The following CNTROB variants were observed in gnomAD, a reference collection of about 807,000 sequenced individuals.
CNTROB encodes centrobin.
CNTROB carries 82 observed loss-of-function variants against 115.7 expected under a neutral mutation model. The observed-to-expected ratio is 0.71, with a 90% CI of 0.59 to 0.85. The LOEUF (loss-of-function observed/expected upper bound fraction) is 0.85. CNTROB is among the 40% of genes least tolerant of loss of function. CNTROB has a pLI of 0.00. For missense variants in CNTROB, 1,014 were observed against 1,144.4 expected, an observed-to-expected ratio of 0.89 and a Z score of 1.64; for synonymous variants, 439 against 456.4, an observed-to-expected ratio of 0.96 and a Z score of 0.49.
At chr17:7,933,547 T>C (rs1598053395) in intron 1 of CNTROB, among the ~76,000 whole-genome samples, 198 bp downstream of exon 1, 1 of 152,186 alleles carries the variant, frequency 6.6e-6, no homozygotes, top group Non-Finnish European at 1.5e-5. Flanking sequence ...TTATGAAACT[T>C]CCCAGTGTTT....
Position 7,932,588 on chromosome 17 carries a change from G to A in CNTROB, c.-492G>A. On this transcript the variant is annotated 5_prime_UTR_variant, in exon 1 of 19. Transcript: ENST00000563694. ...AAGGGATGGGGGAGCGTGAGGTTCC[G>A]CCCTCTCTTGAGACTGGAACCAATT... 1 of 160,170 alleles carries A rather than the reference G, an allele frequency of 6.2e-6. No individual in the cohort carries two copies. The highest frequency in any genetic ancestry group is 1.4e-5 in the Non-Finnish European group (1 of 73,320). 9.9% of individuals were successfully genotyped at this position (160,170 alleles called of 1,614,324 possible). A position where few individuals can be genotyped will look rare whatever the true frequency, so the allele number is the denominator to read the frequency against.
At chr17:7,932,106 C>T (rs970137117), upstream of CNTROB, 2 of 512,040 alleles carry the variant, frequency 3.9e-6, no homozygotes, top group East Asian at 3.4e-5. Context: ...GAGCCGCGCA[C>T]GCGCGGCCAG....
At chr17:7,946,076 A>C in intron 13 of CNTROB, 90 bp downstream of exon 13, 1 of 1,219,336 alleles carries the variant, frequency 8.2e-7, no homozygotes, top group Non-Finnish European at 1.2e-6. Flanking sequence ...ATACTTGAGC[A>C]TTTAGTTTCC....
rs1057093922 is a variant in CNTROB, at chr17:7,948,813, T to C, written c.2513+194T>C. The C allele has an allele frequency of 6.8e-7, 1 of 1,473,924 alleles. No homozygotes were observed. The highest frequency in any genetic ancestry group is 1.4e-5 in the African/African-American group (1 of 70,294). The allele number at this position is 1,473,924 out of a possible 1,614,324, so 91.3% of individuals were successfully genotyped here. A position where few individuals can be genotyped will look rare whatever the true frequency, so the allele number is the denominator to read the frequency against. Reference sequence around the variant, plus strand: ...TTATCTCCTCCTTTCTATTGCTTTTTTCTTCTAAACAAAAAAATCTTTTCC... The same window carrying C: ...TTATCTCCTCCTTTCTATTGCTTTTCTCTTCTAAACAAAAAAATCTTTTCC... On this transcript the variant is annotated intron_variant, in intron 17 of 18. Coordinates refer to ENST00000563694, the MANE Select transcript of CNTROB (RefSeq NM_053051.5). The surrounding 1 kb of genome is among the most constrained non-coding windows in gnomAD (Gnocchi z 4.4).
intron 9 of CNTROB, among the ~76,000 whole-genome samples, chr17:7,941,021 T>G (rs573075412): frequency 1.3e-5 from 2 of 152,270 alleles, no homozygotes; most frequent in South Asian, 4.1e-4. Flanking sequence ...AGGGCTGAAT[T>G]GGGCTGTAGT....
rs778469078 is a variant in CNTROB, at chr17:7,949,124, A to G, written c.2553A>G (p.Thr851=). Residue 851 remains threonine, a synonymous_variant, in exon 18 of 19, where the codon ACA becomes ACG. Coordinates refer to ENST00000563694, the MANE Select transcript of CNTROB (RefSeq NM_053051.5). Reference sequence around the variant, plus strand: ...GGGATAATGTCCCCAGAAGGAACACAGACTCCCGCTTGGGTGAGATCCCCC... The same window carrying G: ...GGGATAATGTCCCCAGAAGGAACACGGACTCCCGCTTGGGTGAGATCCCCC... The part of the protein sequence containing the change: ...GRGDNVPRRN[T]DSRLGEIPRK... 2 of 1,614,208 alleles carry G rather than the reference A, an allele frequency of 1.2e-6. No homozygotes were observed. Among genetic ancestry groups the G allele is most frequent in the Non-Finnish European group, 1.7e-6 (2 of 1,180,018 alleles).
chr17:7,944,730 T>G lies in CNTROB; in HGVS notation c.1734+92T>G. ...GGTCTCACTCTTGCCCAGGCTGGAG[T>G]GTACTGGTGAGATCATAGCTCATTG... is the stretch of plus-strand genomic sequence containing the variant. On this transcript the variant is annotated intron_variant, in intron 12 of 18. Transcript: ENST00000563694. This position sits in a 1 kb window ranked among gnomAD's most constrained non-coding sequence, Gnocchi z 4.0. 2 of 1,463,986 alleles carry G rather than the reference T, an allele frequency of 1.4e-6. No individual in the cohort carries two copies. Among genetic ancestry groups the G allele is most frequent in the Non-Finnish European group, 1.8e-6 (2 of 1,089,288 alleles). 90.7% of individuals were successfully genotyped at this position (1,463,986 alleles called of 1,614,324 possible).
chr17:7,936,765 G>C lies in CNTROB; in HGVS notation c.776G>C (p.Gly259Ala), dbSNP rs769245057. Residue 259 changes from glycine to alanine, a missense_variant, in exon 6 of 19, where the codon GGA becomes GCA. By Grantham distance (60) the Gly-to-Ala change is moderately conservative. Transcript: ENST00000563694. ...HEAERTEVLR[G>A]LQEEHQAAEL... is the part of the protein sequence containing the mutation. ...GCTGAGCGGACAGAGGTTCTCAGGG[G>C]ACTTCAAGAGGAACACCAGGCAGCA... The C allele has an allele frequency of 6.4e-7, 1 of 1,569,778 alleles. No homozygotes were observed. Among genetic ancestry groups the C allele is most frequent in the South Asian group, 1.1e-5 (1 of 90,208 alleles).
chr17:7,948,043 G>A lies in CNTROB; in HGVS notation c.2209+64G>A. ...AGGAAAGATCGGAGTTGGTTATCTAGGATGAATTTTTAGGAGCTGGCAAAA... is the reference window on the plus strand; with the variant it reads ...AGGAAAGATCGGAGTTGGTTATCTAAGATGAATTTTTAGGAGCTGGCAAAA... On this transcript the variant is annotated intron_variant, in intron 15 of 18. Transcript: ENST00000563694. This position sits in a 1 kb window ranked among gnomAD's most constrained non-coding sequence, Gnocchi z 4.4. The A allele has an allele frequency of 6.3e-7, 1 of 1,599,384 alleles. No individual in the cohort carries two copies. The highest frequency in any genetic ancestry group is 8.6e-7 in the Non-Finnish European group (1 of 1,167,118).
chr17:7,943,222 C>T lies in CNTROB; in HGVS notation c.1312-169C>T, dbSNP rs191276450. Among the ~76,000 whole-genome samples the T allele has an allele frequency of 3.3e-5, 5 of 152,230 alleles. No individual in the cohort carries two copies. The highest frequency in any genetic ancestry group is 2.0e-4 in the Admixed American group (3 of 15,286). On this transcript the variant is annotated intron_variant, in intron 9 of 18. Transcript: ENST00000563694. This position sits in a 1 kb window ranked among gnomAD's most constrained non-coding sequence, Gnocchi z 4.7. ...TTCACTTTGATGTATGTTTAAAGTGCGAATATCTTAATAAGGAAAGGGAAC... is the reference window on the plus strand; with the variant it reads ...TTCACTTTGATGTATGTTTAAAGTGTGAATATCTTAATAAGGAAAGGGAAC...
Position 7,948,279 on chromosome 17 carries a change from T to G in CNTROB, c.2332T>G (p.Ser778Ala). ...TCTTTTCCGGGTCCCTGAGCCTCCC[T>G]CCTCCCATTCACAAGGCAGTGGTCC... ...SSLFRVPEPP[S>A]SHSQGSGPSS... Residue 778 changes from serine to alanine, a missense_variant, in exon 16 of 19, where the codon TCC (serine) becomes GCC (alanine). Physicochemically the swap from Ser to Ala is moderately conservative, Grantham distance 99. Transcript: ENST00000563694. The surrounding 1 kb of genome is among the most constrained non-coding windows in gnomAD (Gnocchi z 4.4). 1 of 1,614,026 alleles carries G rather than the reference T, an allele frequency of 6.2e-7. No homozygotes were observed. Among genetic ancestry groups the G allele is most frequent in the Non-Finnish European group, 8.5e-7 (1 of 1,180,012 alleles).
chr17:7,934,918 G>A (rs759528855), intron 3 of CNTROB, 71 bp from the exon 4 acceptor site: 36 of 1,498,164 alleles, frequency 2.4e-5, no homozygotes, highest in Non-Finnish European at 3.1e-5. Flanking sequence ...CTCATTTGTA[G>A]AATATCACAG....
At chr17:7,937,788 G>A (rs565830922) in intron 7 of CNTROB, among the ~76,000 whole-genome samples, 114 of 152,090 alleles carry the variant, frequency 7.5e-4, no homozygotes, top group Non-Finnish European at 1.3e-3. Context: ...GGGTGACAGA[G>A]TGAGACTCCA....
At chr17:7,933,390 A>G in intron 1 of CNTROB, 41 bp downstream of exon 1, 1 of 1,565,610 alleles carries the variant, frequency 6.4e-7, no homozygotes, top group Non-Finnish European at 8.7e-7. Context: ...GGCACTAGAC[A>G]CCAGAGAGTC....
Position 7,948,393 on chromosome 17 carries a change from C to T in CNTROB, c.2380+66C>T, listed in dbSNP as rs189131809. The T allele has an allele frequency of 1.7e-5, 28 of 1,605,840 alleles. 1 individual carries two copies. The East Asian group carries it at 3.6e-4, about 20-fold the overall frequency. On this transcript the variant is annotated intron_variant, in intron 16 of 18. Coordinates refer to ENST00000563694, the MANE Select transcript of CNTROB (RefSeq NM_053051.5). The surrounding 1 kb of genome is among the most constrained non-coding windows in gnomAD (Gnocchi z 4.4). ...GTCCTGAGTGTGGATCCAGTACAGG[C>T]ACTTACAGTCCTTCTGAATTCCTGG...
In CNTROB at chr17:7,932,652, T is replaced by C. The variant is rs1972648985; in HGVS notation, c.-428T>C. On this transcript the variant is annotated 5_prime_UTR_variant, in exon 1 of 19. Transcript: ENST00000563694. ...GGCAGGGGGACAGAAATTGGGCTCC[T>C]AGTGGATTTGGGTCCGTTTCCGTTG... 1 of 172,666 alleles carries C rather than the reference T, an allele frequency of 5.8e-6. No individual in the cohort carries two copies. The highest frequency in any genetic ancestry group is 1.8e-4 in the East Asian group (1 of 5,610). The allele number at this position is 172,666 out of a possible 1,614,324, so 10.7% of individuals were successfully genotyped here. A position where few individuals can be genotyped will look rare whatever the true frequency, so the allele number is the denominator to read the frequency against.
chr17:7,934,531 C>A lies in CNTROB; in HGVS notation c.422C>A (p.Thr141Lys), dbSNP rs1382057365. ...REEDSFDSDS[T>K]ATLLNTRPLQ... ...GAGGACTCCTTTGACAGTGATAGCA[C>A]AGCCACCTTGCTCAAGTGAGTTCTC... Residue 141 changes from threonine (T) to lysine (K), a missense_variant, in exon 3 of 19, where the codon ACA becomes AAA. By Grantham distance (78) the Thr-to-Lys change is moderately conservative. Coordinates refer to ENST00000563694, the MANE Select transcript of CNTROB (RefSeq NM_053051.5). 1 of 1,613,832 alleles carries A rather than the reference C, an allele frequency of 6.2e-7. No individual in the cohort carries two copies. The highest frequency in any genetic ancestry group is 8.5e-7 in the Non-Finnish European group (1 of 1,179,702).
chr17:7,944,284 C>T lies in CNTROB; in HGVS notation c.1571+36C>T, dbSNP rs1222887684. The T allele has an allele frequency of 6.2e-7, 1 of 1,608,774 alleles. No individual in the cohort carries two copies. Among genetic ancestry groups the T allele is most frequent in the Admixed American group, 1.7e-5 (1 of 60,014 alleles). The stretch of plus-strand genomic sequence containing the variant: ...CCAGAGTGCCCCTTTCAGGCCCCAG[C>T]CCCTTTCCCATGGGTAGAGCCCAAA... On this transcript the variant is annotated intron_variant, in intron 11 of 18. Transcript: ENST00000563694. This position sits in a 1 kb window ranked among gnomAD's most constrained non-coding sequence, Gnocchi z 4.0.
chr17:7,945,795 C>G lies in CNTROB; in HGVS notation c.1802C>G (p.Thr601Ser). Residue 601 changes from threonine (T) to serine (S), a missense_variant, in exon 13 of 19, where the codon ACT (threonine) becomes AGT (serine). Physicochemically the swap from Thr to Ser is moderately conservative, Grantham distance 58 (BLOSUM62 1). Transcript: ENST00000563694. ...EPEKEERRVW[T>S]MPPMAVALKP... ...GAGAAGGAGGAGAGGAGGGTCTGGA[C>G]TATGCCTCCCATGGCCGTGGCCCTG... 1.2e-6 allele frequency: 2 copies of G among 1,614,224 alleles called. No individual in the cohort carries two copies. The highest frequency in any genetic ancestry group is 1.7e-5 in the Admixed American group (1 of 60,026).
Sources: gnomAD v4.1 joint callset for allele counts (sites outside exome capture counted in the v4.1 genomes callset) on GRCh38, gnomAD v4.1.1 for gene constraint, Gnocchi (gnomAD v3.1) non-coding constraint, MANE v1.5 for transcripts, NCBI Gene and HGNC (gene_info 2026-07-23, HGNC 2026-07-21) for gene names.